The following ZNF609 variants were observed in gnomAD, a reference collection of about 807,000 sequenced individuals.
ZNF609 encodes zinc finger protein 609.
A neutral mutation model predicts 109.5 loss-of-function variants in ZNF609; 11 were observed. That is an observed-to-expected ratio of 0.10 (90% confidence interval 0.06 to 0.17). The LOEUF is 0.17. Among genes scored for constraint, ZNF609 ranks in the 10% least tolerant of loss-of-function variants. ZNF609 has a pLI of 1.00. For missense variants in ZNF609, 1,559 were observed against 1,772.4 expected, an observed-to-expected ratio of 0.88 and a Z score of 2.16; for synonymous variants, 646 against 662.0, an observed-to-expected ratio of 0.98 and a Z score of 0.37.
chr15:64,670,289 A>G, intron 3 of ZNF609, 57 bp from the exon 4 acceptor site: 1 of 1,404,650 alleles, frequency 7.1e-7, no homozygotes, highest in Non-Finnish European at 1.0e-6. Context: ...AAAGAATACT[A>G]TTCTCAGTGG....
intron 3 of ZNF609, among the ~76,000 whole-genome samples, chr15:64,629,797 A>G (rs2140980601): frequency 6.6e-6 from 1 of 152,224 alleles, no homozygotes; most frequent in East Asian, 1.9e-4. Flanking sequence ...TCTGCTTTGC[A>G]TAGCCTTCCT....
chr15:64,515,930 C>G (rs1008917618), intron 2 of ZNF609, among the ~76,000 whole-genome samples: 2 of 145,764 alleles, frequency 1.4e-5, no homozygotes, highest in African/African-American at 5.1e-5. Context: ...AAAGGCGAAA[C>G]TCCGTCTCAA....
At chr15:64,538,946 C>T (rs1260551528) in intron 2 of ZNF609, among the ~76,000 whole-genome samples, 3 of 151,062 alleles carry the variant, frequency 2.0e-5, no homozygotes, top group African/African-American at 4.9e-5. Context: ...GCAATCGTCC[C>T]GCTTCAGCCT....
At chr15:64,617,689 A>C (rs963340705) in intron 2 of ZNF609, among the ~76,000 whole-genome samples, 1 of 152,116 alleles carries the variant, frequency 6.6e-6, no homozygotes, top group African/African-American at 2.4e-5. Context: ...CTGAGGTAGG[A>C]GAATCGCCTG....
intron 2 of ZNF609, among the ~76,000 whole-genome samples, chr15:64,536,902 C>A (rs1303193104): frequency 5.9e-4 from 63 of 106,756 alleles, no homozygotes; most frequent in African/African-American, 2.1e-3. Context: ...AGAGAGAGAC[C>A]CTGTCTCAAA....
chr15:64,673,248 A>G (rs1896762547), intron 4 of ZNF609, among the ~76,000 whole-genome samples: 1 of 152,148 alleles, frequency 6.6e-6, no homozygotes, highest in Non-Finnish European at 1.5e-5. Flanking sequence ...AACCTACTCC[A>G]GCTGCCCCCT....
chr15:64,519,923 A>G (rs1035218304), intron 2 of ZNF609, among the ~76,000 whole-genome samples: 3 of 152,204 alleles, frequency 2.0e-5, no homozygotes, highest in African/African-American at 7.2e-5. Flanking sequence ...ATCTAAAAGT[A>G]CACTGTAAAT....
At chr15:64,680,120 C>T in intron 6 of ZNF609, 65 bp from the exon 7 acceptor site, 2 of 1,556,506 alleles carry the variant, frequency 1.3e-6, no homozygotes, top group Non-Finnish European at 1.8e-6. Context: ...CCCAATCAAG[C>T]TCACTAAAGC....
Position 64,553,650 on chromosome 15 carries a change from G to A in ZNF609, c.747+53484G>A, listed in dbSNP as rs1894527045. On this transcript the variant is annotated intron_variant, in intron 2 of 9. Coordinates refer to ENST00000326648, the MANE Select transcript of ZNF609 (RefSeq NM_015042.2). ...GTCTCACTCTGTTGCCCAGGCTGGA[G>A]TGCAGTGGCGCAATCTTGGCTCACT... Among the ~76,000 whole-genome samples, 3 of 151,404 alleles carry A rather than the reference G, an allele frequency of 2.0e-5. No individual in the cohort carries two copies. In the South Asian group the frequency reaches 6.2e-4, roughly 32 times the overall value.
chr15:64,498,230 A>G (rs1479324449), intron 1 of ZNF609, among the ~76,000 whole-genome samples: 1 of 152,066 alleles, frequency 6.6e-6, no homozygotes, highest in Non-Finnish European at 1.5e-5. Context: ...TTGTATTTTT[A>G]GTAGAGACGG....
chr15:64,512,825 CT>C (rs1037189650), intron 2 of ZNF609, among the ~76,000 whole-genome samples: 3 of 151,764 alleles, frequency 2.0e-5, no homozygotes, highest in African/African-American at 7.3e-5. Context: ...CAAACTCATA[CT>C]TTTTTAAAAA....
At chr15:64,473,416 C>G (rs1333749179) in intron 1 of ZNF609, among the ~76,000 whole-genome samples, 1 of 151,762 alleles carries the variant, frequency 6.6e-6, no homozygotes, top group Admixed American at 6.6e-5. Flanking sequence ...CCAGGCTGGT[C>G]TCGAACTGCT....
At chr15:64,515,737 G>C (rs557861525) in intron 2 of ZNF609, among the ~76,000 whole-genome samples, 1 of 152,052 alleles carries the variant, frequency 6.6e-6, no homozygotes, top group Non-Finnish European at 1.5e-5. Context: ...AGGAGTTCGA[G>C]ACCAGCCTAG....
intron 2 of ZNF609, among the ~76,000 whole-genome samples, chr15:64,534,254 A>G (rs1595710004): frequency 6.6e-6 from 1 of 150,642 alleles, no homozygotes; most frequent in South Asian, 2.1e-4. Context: ...CAGGTGATCC[A>G]CCCACCTCGG....
chr15:64,475,859 T>A (rs1893162454), intron 1 of ZNF609, among the ~76,000 whole-genome samples: 1 of 152,170 alleles, frequency 6.6e-6, no homozygotes. Context: ...AGAACTTGAT[T>A]CTTGAAAAAA....
At chr15:64,545,320 T>C (rs1211125324) in intron 2 of ZNF609, among the ~76,000 whole-genome samples, 1 of 151,838 alleles carries the variant, frequency 6.6e-6, no homozygotes, top group Non-Finnish European at 1.5e-5. Flanking sequence ...CACCTCACCC[T>C]CCCGAGTAGC....
At chr15:64,576,558 A>C (rs1894956082) in intron 2 of ZNF609, among the ~76,000 whole-genome samples, 1 of 152,138 alleles carries the variant, frequency 6.6e-6, no homozygotes, top group Admixed American at 6.6e-5. Context: ...CCTATTCTAG[A>C]AAGCTACTGG....
chr15:64,655,653 C>T (rs2141000858), intron 3 of ZNF609, among the ~76,000 whole-genome samples: 1 of 151,464 alleles, frequency 6.6e-6, no homozygotes, highest in African/African-American at 2.4e-5. Flanking sequence ...ATGGTGAAAC[C>T]TCATCTCTAC....
intron 1 of ZNF609, among the ~76,000 whole-genome samples, chr15:64,488,579 A>T (rs974903170): frequency 6.6e-6 from 1 of 152,042 alleles, no homozygotes; most frequent in Non-Finnish European, 1.5e-5. Context: ...TGTGAATCCC[A>T]CCCTTTTTTG....
Sources: allele counts gnomAD v4.1 joint callset (sites outside exome capture counted in the v4.1 genomes callset), GRCh38; gene constraint gnomAD v4.1.1; transcripts MANE v1.5; gene names NCBI Gene and HGNC (gene_info 2026-07-23, HGNC 2026-07-21).